Variants in GRIN2B observed in about 807,000 individuals in gnomAD.
GRIN2B encodes the protein glutamate receptor ionotropic, NMDA 2B.
A neutral mutation model predicts 114.5 loss-of-function variants in GRIN2B; 5 were observed. The observed-to-expected ratio is 0.04, with a 90% CI of 0.02 to 0.09. The LOEUF is 0.09. Among genes scored for constraint, GRIN2B ranks in the 10% least tolerant of loss-of-function variants. GRIN2B has a pLI of 1.00. For missense variants in GRIN2B, 1,108 were observed against 1,943.5 expected (o/e 0.57, Z 8.08); for synonymous variants, 787 against 745.1 (o/e 1.06, Z -0.92).
intron 3 of GRIN2B, among the ~76,000 whole-genome samples, chr12:13,848,545 T>C (rs1346516347): frequency 2.0e-5 from 3 of 152,060 alleles, no homozygotes; most frequent in African/African-American, 7.2e-5. Context: ...TGGTTAAAAG[T>C]AGATTCTTTT....
At chr12:13,594,329 G>C (rs1591628448) in intron 10 of GRIN2B, among the ~76,000 whole-genome samples, 1 of 152,164 alleles carries the variant, frequency 6.6e-6, no homozygotes, top group South Asian at 2.1e-4. Flanking sequence ...ATATACCATG[G>C]AATACTATGC....
At chr12:13,776,159 A>G (rs1315872021) in intron 3 of GRIN2B, among the ~76,000 whole-genome samples, 2 of 152,196 alleles carry the variant, frequency 1.3e-5, no homozygotes, top group Non-Finnish European at 2.9e-5. Context: ...GGTTATCCTC[A>G]GAAAACTAAT....
intron 5 of GRIN2B, among the ~76,000 whole-genome samples, chr12:13,663,671 G>T (rs375258234): frequency 6.6e-6 from 1 of 152,106 alleles, no homozygotes; most frequent in Non-Finnish European, 1.5e-5. Flanking sequence ...AAGGAAAAAA[G>T]CTTGCTCATT....
chr12:13,692,760 C>CTTTTTTTTTTTTTTTT (rs71067718), intron 4 of GRIN2B, among the ~76,000 whole-genome samples: 23 of 52,118 alleles, frequency 4.4e-4, no homozygotes, highest in Non-Finnish European at 6.2e-4. Flanking sequence ...TCTTTCTTTT[C>CTTTTTTTTTTTTTTTT]TTTTTTTTTT....
At chr12:13,710,326 G>A (rs1250633994) in intron 4 of GRIN2B, among the ~76,000 whole-genome samples, 1 of 152,050 alleles carries the variant, frequency 6.6e-6, no homozygotes, top group Non-Finnish European at 1.5e-5. Flanking sequence ...TACAAGACAG[G>A]GATACCCTCT....
Position 13,563,169 on chromosome 12 carries a change from G to T in GRIN2B, c.4069C>A (p.Pro1357Thr), listed in dbSNP as rs1340829106. 6.2e-7 allele frequency: 1 copy of T among 1,614,210 alleles called. No individual in the cohort carries two copies. Among genetic ancestry groups the T allele is most frequent in the Admixed American group, 1.7e-5 (1 of 60,030 alleles). ...TTGTGGTGGTGATGTCCGGCAGTGG[G>T]CACTGAGGACTTGTTGTTGGCAAAG... is the stretch of plus-strand genomic sequence containing the variant. ...STFANNKSSVPTAGHHHHNNP... is the reference protein window; with the variant it reads ...STFANNKSSVTTAGHHHHNNP... The change falls in exon 14 of 14, where the codon CCC becomes ACC. Residue 1357 changes from proline to threonine, a missense_variant. By Grantham distance (38) the Pro-to-Thr change is conservative. Around this residue, in one of 19 missense-constraint regions of GRIN2B, gnomAD observed 478 missense variants for 506.0 expected, o/e 0.94. Coordinates refer to ENST00000609686, the MANE Select transcript of GRIN2B (RefSeq NM_000834.5).
At chr12:13,618,037 C>T (rs1430189666) in intron 5 of GRIN2B, among the ~76,000 whole-genome samples, 1 of 152,192 alleles carries the variant, frequency 6.6e-6, no homozygotes, top group Non-Finnish European at 1.5e-5. Flanking sequence ...TGATGTTTTG[C>T]TTCTTTGTTC....
intron 3 of GRIN2B, among the ~76,000 whole-genome samples, chr12:13,833,211 A>G (rs1023629895): frequency 4.6e-5 from 7 of 152,224 alleles, no homozygotes; most frequent in Admixed American, 3.9e-4. Context: ...ACTCATGGGT[A>G]TATCATCAAC....
intron 2 of GRIN2B, among the ~76,000 whole-genome samples, chr12:13,942,078 C>T (rs534750047): frequency 6.6e-6 from 1 of 152,332 alleles, no homozygotes; most frequent in African/African-American, 2.4e-5. Flanking sequence ...TTACCGTCTT[C>T]CACGTGCAAA....
intron 2 of GRIN2B, among the ~76,000 whole-genome samples, chr12:13,944,721 A>G (rs1867332276): frequency 6.6e-6 from 1 of 152,224 alleles, no homozygotes; most frequent in African/African-American, 2.4e-5. Flanking sequence ...ACGTGAACCC[A>G]TAACTGACTT....
chr12:13,568,774 G>T (rs1399417200), intron 12 of GRIN2B, among the ~76,000 whole-genome samples: 1 of 152,176 alleles, frequency 6.6e-6, no homozygotes, highest in Non-Finnish European at 1.5e-5. Context: ...AGAAACAGTA[G>T]TTTCTTTGTA....
intron 3 of GRIN2B, among the ~76,000 whole-genome samples, chr12:13,779,990 A>G (rs1236805524): frequency 6.6e-6 from 1 of 152,250 alleles, no homozygotes; most frequent in Non-Finnish European, 1.5e-5. Context: ...TCTTCTCCCA[A>G]TACTACTATC....
rs1416002125 is a variant in GRIN2B, at chr12:13,866,242, A to G, written c.-18-16T>C. 1 of 1,598,666 alleles carries G rather than the reference A, an allele frequency of 6.3e-7. No homozygotes were observed. Among genetic ancestry groups the G allele is most frequent in the Non-Finnish European group, 8.5e-7 (1 of 1,177,738 alleles). ...CGTCGACTCCCTGCAAACACAAAGA[A>G]AGAGCATGTTAAAATAGGATCTACA... is the stretch of plus-strand genomic sequence containing the variant. On this transcript the variant is annotated splice_polypyrimidine_tract_variant and intron_variant, in intron 2 of 13. Coordinates refer to ENST00000609686, the MANE Select transcript of GRIN2B (RefSeq NM_000834.5).
chr12:13,565,933 A>G (rs1341044177), intron 13 of GRIN2B, among the ~76,000 whole-genome samples: 1 of 152,112 alleles, frequency 6.6e-6, no homozygotes, highest in African/African-American at 2.4e-5. Flanking sequence ...TTTTTCCTCT[A>G]TAGAGGCATT....
intron 3 of GRIN2B, among the ~76,000 whole-genome samples, chr12:13,759,592 G>A (rs1361523978): frequency 6.6e-6 from 1 of 152,102 alleles, no homozygotes; most frequent in Non-Finnish European, 1.5e-5. Context: ...TCTTGTAAAA[G>A]GCAGGTGACT....
chr12:13,690,620 A>C (rs79151978), intron 4 of GRIN2B, among the ~76,000 whole-genome samples: 2 of 152,260 alleles, frequency 1.3e-5, no homozygotes, highest in East Asian at 3.9e-4. Context: ...TCTGCCTGTG[A>C]GGATCATGTA....
Position 13,550,474 on chromosome 12 carries a change from C to G in GRIN2B, c.*12309G>C, listed in dbSNP as rs1948396182. 1 of 152,172 alleles carries G rather than the reference C, an allele frequency of 6.6e-6. No individual in the cohort carries two copies. The highest frequency in any genetic ancestry group is 2.4e-5 in the African/African-American group (1 of 41,450). The allele number at this position is 152,172 out of a possible 1,614,324, so 9.4% of individuals were successfully genotyped here. A position where few individuals can be genotyped will look rare whatever the true frequency, so the allele number is the denominator to read the frequency against. Reference sequence around the variant, plus strand: ...CTGATCACTGAAGGTGTGCAAGAGTCTCAGGAGGAATTCTGTCATAAAGAA... The same window carrying G: ...CTGATCACTGAAGGTGTGCAAGAGTGTCAGGAGGAATTCTGTCATAAAGAA... On this transcript the variant is annotated 3_prime_UTR_variant, in exon 14 of 14. Transcript: ENST00000609686.
At chr12:13,719,631 A>G (rs1950489876) in intron 4 of GRIN2B, among the ~76,000 whole-genome samples, 1 of 152,082 alleles carries the variant, frequency 6.6e-6, no homozygotes, top group South Asian at 2.1e-4. Context: ...TTCACTGAAC[A>G]TGAAACTTGT....
intron 5 of GRIN2B, among the ~76,000 whole-genome samples, chr12:13,666,162 C>G (rs1949973035): frequency 6.6e-6 from 1 of 152,188 alleles, no homozygotes; most frequent in African/African-American, 2.4e-5. Context: ...CGAGGTCCAT[C>G]ACTCCCTCCC....
Sources: allele counts gnomAD v4.1 joint callset (sites outside exome capture counted in the v4.1 genomes callset), GRCh38; gene constraint gnomAD v4.1.1; regional missense constraint gnomAD v4.1.1; transcripts MANE v1.5; gene names NCBI Gene and HGNC (gene_info 2026-07-23, HGNC 2026-07-21).